The following RNF157 variants were observed in gnomAD, a reference collection of about 807,000 sequenced individuals.
RNF157 encodes the protein ring finger protein 157, also known as E3 ubiquitin ligase RNF157.
RNF157 carries 55 observed loss-of-function variants against 88.3 expected under a neutral mutation model. The observed-to-expected ratio is 0.62, with a 90% confidence interval of 0.50 to 0.78. The LOEUF (loss-of-function observed/expected upper bound fraction) is 0.78, where lower values mean the gene tolerates loss of function less well. RNF157 is among the 30% of genes least tolerant of loss of function. The probability of loss-of-function intolerance (pLI) is 0.00; values close to 1 mark genes in which losing one functional copy is unlikely to be tolerated. For synonymous variants in RNF157, 334 were observed against 341.2 expected, an observed-to-expected ratio of 0.98 and a Z score of 0.23; for missense variants, 788 against 860.8, an observed-to-expected ratio of 0.92 and a Z score of 1.06.
intron 1 of RNF157, among the ~76,000 whole-genome samples, chr17:76,222,346 C>CAAA (rs1162600459): frequency 1.3e-5 from 1 of 78,264 alleles, no homozygotes. Flanking sequence ...GACCCCGTCT[C>CAAA]AAAAAAAAAA....
At chr17:76,233,189 G>A (rs2070224413) in intron 1 of RNF157, among the ~76,000 whole-genome samples, 1 of 152,092 alleles carries the variant, frequency 6.6e-6, no homozygotes, top group African/African-American at 2.4e-5. Flanking sequence ...CAAAGTGCTG[G>A]GATTACAGGC....
At chr17:76,187,869 A>T (rs2069320152) in intron 2 of RNF157, among the ~76,000 whole-genome samples, 1 of 152,182 alleles carries the variant, frequency 6.6e-6, no homozygotes, top group Non-Finnish European at 1.5e-5. Flanking sequence ...AAATGCTGAG[A>T]TTACAAGTGT....
In RNF157 at chr17:76,177,612, C is replaced by T. The variant is rs545990482; in HGVS notation, c.208-3822G>A. On this transcript the variant is annotated intron_variant, in intron 2 of 18. Coordinates refer to ENST00000269391, the MANE Select transcript of RNF157 (RefSeq NM_052916.3). ...AGGCTGGGGGCCTGGCTGCCAGTCC[C>T]GCCCACTGGAGTGGGAACTTGTGTT... Among the ~76,000 whole-genome samples, 167 of 151,926 alleles carry T rather than the reference C, an allele frequency of 1.1e-3. 1 individual carries two copies. The highest frequency in any genetic ancestry group is 3.9e-3 in the African/African-American group (163 of 41,408).
In RNF157 at chr17:76,160,452, C is replaced by A. The variant is rs961334362; in HGVS notation, c.1066-879G>T. ...CCTATTCTGACTGCTTCCCCGAAAG[C>A]AGGGAGAATCGCTAAAAAGAAAAGT... On this transcript the variant is annotated intron_variant, in intron 11 of 18. Coordinates refer to ENST00000269391, the MANE Select transcript of RNF157 (RefSeq NM_052916.3). This position sits in a 1 kb window ranked among gnomAD's most constrained non-coding sequence, Gnocchi z 4.3. 1.3e-5 allele frequency among the ~76,000 whole-genome samples: 2 copies of A among 152,070 alleles called. No individual in the cohort carries two copies. Among genetic ancestry groups the A allele is most frequent in the African/African-American group, 4.8e-5 (2 of 41,508 alleles).
At chr17:76,165,236 A>AT (rs2068903441) in intron 7 of RNF157, among the ~76,000 whole-genome samples, 1 of 152,166 alleles carries the variant, frequency 6.6e-6, no homozygotes, top group Non-Finnish European at 1.5e-5. Context: ...GAATTATACA[A>AT]TCCTAATTCT....
At position 76,240,065 on chromosome 17, in the gene RNF157, C is replaced by T; in HGVS notation, c.88+88G>A. The T allele has an allele frequency of 1.4e-6, 1 of 730,482 alleles. No homozygotes were observed. Among genetic ancestry groups the T allele is most frequent in the Non-Finnish European group, 1.8e-6 (1 of 545,808 alleles). 45.3% of individuals were successfully genotyped at this position (730,482 alleles called of 1,614,324 possible). A position where few individuals can be genotyped will look rare whatever the true frequency, so the allele number is the denominator to read the frequency against. ...TCCGCAACCACTGAGTCCCCGAAGA[C>T]CCGCGGGGCCCCCTCAGGCCGTCCC... On this transcript the variant is annotated intron_variant, in intron 1 of 18. Coordinates refer to ENST00000269391, the MANE Select transcript of RNF157 (RefSeq NM_052916.3). The surrounding 1 kb of genome is among the most constrained non-coding windows in gnomAD (Gnocchi z 4.4).
At chr17:76,215,390 G>A (rs1406932722) in intron 1 of RNF157, among the ~76,000 whole-genome samples, 6 of 151,778 alleles carry the variant, frequency 4.0e-5, no homozygotes, top group South Asian at 2.1e-4. Context: ...CAGAAGGGTC[G>A]CTTGAGTTCA....
intron 1 of RNF157, among the ~76,000 whole-genome samples, chr17:76,239,535 CA>C: frequency 6.8e-6 from 1 of 147,024 alleles, no homozygotes; most frequent in South Asian, 2.2e-4. Flanking sequence ...TTTCCACCAC[CA>C]CCACCCCCCC....
rs537624485 is a variant in RNF157, at chr17:76,230,499, A to G, written c.88+9654T>C. ...GTTATCTTCTAAGAGTTTCCTACCA[A>G]ATCTCTCTGCTTCCAGTCTCTCCTC... On this transcript the variant is annotated intron_variant, in intron 1 of 18. Transcript: ENST00000269391. Among the ~76,000 whole-genome samples the G allele has an allele frequency of 2.0e-3, 304 of 152,252 alleles. 2 individuals are homozygous for G. Among genetic ancestry groups the G allele is most frequent in the African/African-American group, 7.0e-3 (290 of 41,540 alleles).
chr17:76,158,489 T>G lies in RNF157; in HGVS notation c.1317A>C (p.Gln439His), dbSNP rs376457438. The change falls in exon 13 of 19, where the codon CAA becomes CAC. Residue 439 changes from glutamine (Q) to histidine (H), a missense_variant. Physicochemically the swap from Gln to His is conservative, Grantham distance 24 (BLOSUM62 0). Coordinates refer to ENST00000269391, the MANE Select transcript of RNF157 (RefSeq NM_052916.3). Reference protein sequence around the residue: ...LKKSLSKSTSQNSSVLHEEED... With the variant: ...LKKSLSKSTSHNSSVLHEEED... Reference sequence around the variant, plus strand: ...CCTCTTCATGCAGCACGGAAGAGTTTTGGGAAGTGGATCTGTAGGAGTCCA... The same window carrying G: ...CCTCTTCATGCAGCACGGAAGAGTTGTGGGAAGTGGATCTGTAGGAGTCCA... The G allele has an allele frequency of 6.2e-6, 10 of 1,612,686 alleles. No homozygotes were observed. Among genetic ancestry groups the G allele is most frequent in the Non-Finnish European group, 8.5e-6 (10 of 1,178,900 alleles).
chr17:76,230,784 G>C (rs2070172585), intron 1 of RNF157, among the ~76,000 whole-genome samples: 1 of 135,612 alleles, frequency 7.4e-6, no homozygotes, highest in African/African-American at 2.8e-5. Context: ...GTTGCAATGA[G>C]CCAGGATCAC....
At chr17:76,234,372 AT>A (rs1485617794) in intron 1 of RNF157, among the ~76,000 whole-genome samples, 1 of 151,466 alleles carries the variant, frequency 6.6e-6, no homozygotes, top group Admixed American at 6.6e-5. Flanking sequence ...TATTTTCTTC[AT>A]TTTTCTTGAG....
At chr17:76,166,551 A>G (rs760154306) in intron 5 of RNF157, 24 bp from the exon 6 acceptor site, 58 of 1,574,710 alleles carry the variant, frequency 3.7e-5, no homozygotes, top group African/African-American at 8.1e-5. Context: ...AAAGGAAAGG[A>G]AAAAAAAAGA....
Position 76,161,636 on chromosome 17 carries a change from G to T in RNF157, c.964C>A (p.Leu322Met), listed in dbSNP as rs2068846393. 1 of 1,613,754 alleles carries T rather than the reference G, an allele frequency of 6.2e-7. No individual in the cohort carries two copies. The highest frequency in any genetic ancestry group is 1.3e-5 in the African/African-American group (1 of 74,898). Residue 322 changes from leucine (L) to methionine (M), a missense_variant, in exon 11 of 19, where the codon CTG becomes ATG. Transcript: ENST00000269391. The surrounding 1 kb of genome is among the most constrained non-coding windows in gnomAD (Gnocchi z 4.6). The part of the protein sequence containing the change: ...CPICRLPFRA[L>M]LQIRAMRKKL... The stretch of plus-strand genomic sequence containing the variant: ...TTCCTCATGGCTCGGATCTGAAGCA[G>T]TGCCCGGAAGGCTGTGAAGGAGAAA...
chr17:76,147,784 G>C (rs772714860), intron 18 of RNF157, among the ~76,000 whole-genome samples: 3 of 152,206 alleles, frequency 2.0e-5, no homozygotes, highest in Non-Finnish European at 4.4e-5. Context: ...CCGCCATTTT[G>C]TCTGGCTGAA....
At chr17:76,153,219 A>G (rs2585735) in intron 17 of RNF157, 49,202 of 152,142 alleles carry the variant, frequency 0.32, 8,866 homozygotes, top group African/African-American at 0.49. Flanking sequence ...CAAATATTCT[A>G]TGGGAGAAAC....
intron 1 of RNF157, 139 bp from the exon 2 acceptor site, chr17:76,212,621 G>A: frequency 1.7e-6 from 1 of 587,004 alleles, no homozygotes; most frequent in South Asian, 2.1e-5. Flanking sequence ...CAGCACTTTG[G>A]GAGGCTGAGG....
chr17:76,171,381 T>C (rs1464266311), intron 3 of RNF157, among the ~76,000 whole-genome samples: 1 of 145,840 alleles, frequency 6.9e-6, no homozygotes. Context: ...TAGAGACGGG[T>C]TTTTACCATG....
chr17:76,226,781 T>C, intron 1 of RNF157: 1 of 1,568,482 alleles, frequency 6.4e-7, no homozygotes, highest in Non-Finnish European at 8.6e-7. Flanking sequence ...CAACACCTCG[T>C]TGCTCAGGAA....
Sources: gnomAD v4.1 joint callset for allele counts (sites outside exome capture counted in the v4.1 genomes callset) on GRCh38, gnomAD v4.1.1 for gene constraint, Gnocchi (gnomAD v3.1) non-coding constraint, MANE v1.5 for transcripts, NCBI Gene and HGNC (gene_info 2026-07-23, HGNC 2026-07-21) for gene names.